SEMA3E: variants seen among roughly 807,000 people sequenced by gnomAD.
SEMA3E encodes semaphorin 3E.
SEMA3E carries 49 observed loss-of-function variants against 93.6 expected under a neutral mutation model. That is an observed-to-expected ratio of 0.52 (90% CI 0.42 to 0.66). SEMA3E has a LOEUF of 0.66. Among genes scored for constraint, SEMA3E ranks in the 30% least tolerant of loss-of-function variants. The probability of loss-of-function intolerance (pLI) is 0.00; values close to 1 mark genes in which losing one functional copy is unlikely to be tolerated. For synonymous variants in SEMA3E, 363 were observed against 330.7 expected, an observed-to-expected ratio of 1.10 and a Z score of -1.06; for missense variants, 906 against 964.8, an observed-to-expected ratio of 0.94 and a Z score of 0.81.
intron 16 of SEMA3E, among the ~76,000 whole-genome samples, chr7:83,384,228 G>C (rs979210037): frequency 1.3e-5 from 2 of 151,862 alleles, no homozygotes; most frequent in African/African-American, 2.4e-5. Flanking sequence ...TAGGAAAAAA[G>C]GAATAAAAAG....
chr7:83,642,547 A>G (rs140916006), intron 1 of SEMA3E, among the ~76,000 whole-genome samples: 1 of 152,264 alleles, frequency 6.6e-6, no homozygotes, highest in East Asian at 1.9e-4. Context: ...CAGTCTTGTC[A>G]CTATCATTCC....
At chr7:83,515,763 C>T (rs2115665924) in intron 1 of SEMA3E, among the ~76,000 whole-genome samples, 1 of 152,296 alleles carries the variant, frequency 6.6e-6, no homozygotes, top group Non-Finnish European at 1.5e-5. Context: ...AGTGGTGGCT[C>T]ATGCCTGTAA....
At chr7:83,614,059 C>T (rs1793318165) in intron 1 of SEMA3E, among the ~76,000 whole-genome samples, 1 of 152,060 alleles carries the variant, frequency 6.6e-6, no homozygotes, top group African/African-American at 2.4e-5. Context: ...ACCCTTCAGT[C>T]TTTCTTGATG....
Position 83,397,270 on chromosome 7 carries a change from C to T in SEMA3E, c.1367-541G>A, listed in dbSNP as rs868230589. ...AATGATTTTTTCAAATAGTTTGATCCAAAAATCCAATCATAGATTCAAAAA... is the reference window on the plus strand; with the variant it reads ...AATGATTTTTTCAAATAGTTTGATCTAAAAATCCAATCATAGATTCAAAAA... On this transcript the variant is annotated intron_variant, in intron 11 of 16. Transcript: ENST00000643230. Among the ~76,000 whole-genome samples the T allele has an allele frequency of 2.6e-4, 40 of 151,904 alleles. No homozygotes were observed. The Middle Eastern group carries it at 0.01, about 39-fold the overall frequency.
chr7:83,591,423 A>G (rs891350313), intron 1 of SEMA3E, among the ~76,000 whole-genome samples: 3 of 151,814 alleles, frequency 2.0e-5, no homozygotes, highest in African/African-American at 7.2e-5. Flanking sequence ...AAAAGGTAAC[A>G]TAAAATTTAT....
chr7:83,392,056 G>T (rs1788028972), intron 14 of SEMA3E, among the ~76,000 whole-genome samples: 1 of 152,074 alleles, frequency 6.6e-6, no homozygotes, highest in South Asian at 2.1e-4. Flanking sequence ...TGTAGGAAAT[G>T]GCAATGACCT....
intron 4 of SEMA3E, among the ~76,000 whole-genome samples, chr7:83,429,697 T>C (rs1368850015): frequency 6.6e-6 from 1 of 152,162 alleles, no homozygotes; most frequent in Non-Finnish European, 1.5e-5. Flanking sequence ...TCCCTCATAG[T>C]TTCCCCTCCC....
chr7:83,603,860 T>A (rs955755440), intron 1 of SEMA3E, among the ~76,000 whole-genome samples: 6 of 152,180 alleles, frequency 3.9e-5, no homozygotes, highest in African/African-American at 1.2e-4. Flanking sequence ...ATACAAGCAT[T>A]TGCATACTTT....
intron 4 of SEMA3E, among the ~76,000 whole-genome samples, chr7:83,447,332 G>A (rs1209830201): frequency 2.0e-5 from 3 of 151,962 alleles, no homozygotes; most frequent in African/African-American, 7.3e-5. Context: ...GTCAGGAGAT[G>A]GAGACCATCC....
chr7:83,418,616 T>C (rs549850061), intron 4 of SEMA3E, 133 bp from the exon 5 acceptor site: 1 of 723,928 alleles, frequency 1.4e-6, no homozygotes, highest in South Asian at 1.5e-5. Context: ...AGCATCAATT[T>C]ATTTAGAGAC....
At chr7:83,449,673 C>T (rs548855598) in intron 4 of SEMA3E, among the ~76,000 whole-genome samples, 33 of 152,160 alleles carry the variant, frequency 2.2e-4, no homozygotes, top group African/African-American at 7.0e-4. Flanking sequence ...ACTTGATTGT[C>T]AATAAGTTAA....
At chr7:83,484,382 A>G (rs1199760550) in intron 2 of SEMA3E, among the ~76,000 whole-genome samples, 4 of 151,934 alleles carry the variant, frequency 2.6e-5, no homozygotes, top group Non-Finnish European at 5.9e-5. Context: ...CTCCTCATTA[A>G]TTGAATATGT....
chr7:83,644,262 G>A lies in SEMA3E; in HGVS notation c.115+4166C>T, dbSNP rs917447839. Among the ~76,000 whole-genome samples the A allele has an allele frequency of 2.1e-4, 32 of 151,692 alleles. 1 individual carries two copies. Among genetic ancestry groups the A allele is most frequent in the Non-Finnish European group, 1.0e-4 (7 of 67,816 alleles). On this transcript the variant is annotated intron_variant, in intron 1 of 16. Coordinates refer to ENST00000643230, the MANE Select transcript of SEMA3E (RefSeq NM_012431.3). ...CACATACAATGTAATCATCTTCTGA[G>A]TTATTATAACTAGAGGTCAAAGATA...
intron 1 of SEMA3E, among the ~76,000 whole-genome samples, chr7:83,578,446 AT>A (rs989329560): frequency 6.6e-6 from 1 of 151,852 alleles, no homozygotes; most frequent in Non-Finnish European, 1.5e-5. Context: ...ATCCCAGCTA[AT>A]CGGGAGGCTG....
chr7:83,418,351 T>C (rs1157866465), intron 5 of SEMA3E, 39 bp downstream of exon 5: 2 of 1,402,744 alleles, frequency 1.4e-6, no homozygotes, highest in Non-Finnish European at 2.0e-6. Flanking sequence ...TTTAAAATCC[T>C]TATGACTACC....
At chr7:83,405,192 G>A (rs1291193426) in intron 9 of SEMA3E, among the ~76,000 whole-genome samples, 1 of 152,050 alleles carries the variant, frequency 6.6e-6, no homozygotes, top group Non-Finnish European at 1.5e-5. Context: ...ATTACAGAGT[G>A]AAGATATCAG....
At chr7:83,445,686 C>G (rs762235493) in intron 4 of SEMA3E, among the ~76,000 whole-genome samples, 3 of 151,952 alleles carry the variant, frequency 2.0e-5, no homozygotes, top group Non-Finnish European at 4.4e-5. Flanking sequence ...CCATTGCATT[C>G]CAGCCTGGGC....
chr7:83,399,483 A>C (rs1225130179), intron 11 of SEMA3E, among the ~76,000 whole-genome samples: 1 of 152,198 alleles, frequency 6.6e-6, no homozygotes, highest in East Asian at 1.9e-4. Context: ...TTAGAGATTT[A>C]GGTGAAGGTA....
At chr7:83,526,387 A>C (rs1021524619) in intron 1 of SEMA3E, among the ~76,000 whole-genome samples, 1 of 152,150 alleles carries the variant, frequency 6.6e-6, no homozygotes, top group Admixed American at 6.6e-5. Flanking sequence ...CAAAGAAAAA[A>C]AAATTATTTC....
Sources: gnomAD v4.1 joint callset for allele counts (sites outside exome capture counted in the v4.1 genomes callset) on GRCh38, gnomAD v4.1.1 for gene constraint, MANE v1.5 for transcripts, NCBI Gene and HGNC (gene_info 2026-07-23, HGNC 2026-07-21) for gene names.